The following AGBL1 variants were observed in gnomAD, a reference collection of about 807,000 sequenced individuals.
The protein encoded by AGBL1 is AGBL carboxypeptidase 1, also known as cytosolic carboxypeptidase 4.
In AGBL1, 130 loss-of-function variants were observed where a neutral mutation model predicts 118.9. The ratio of observed to expected loss-of-function variants is 1.09; its 90% CI spans 0.95 to 1.26. The LOEUF (loss-of-function observed/expected upper bound fraction) is 1.26. AGBL1 is among the 50% of genes most tolerant of loss of function. The pLI, the probability that AGBL1 is intolerant of heterozygous loss-of-function variation, is 0.00. For synonymous variants in AGBL1, 555 were observed against 478.9 expected, an observed-to-expected ratio of 1.16 and a Z score of -2.08; for missense variants, 1,584 against 1,298.1, an observed-to-expected ratio of 1.22 and a Z score of -3.38.
rs970175501 is a variant in AGBL1, at chr15:86,795,222, T to C, written c.3159-111865T>C. Among the ~76,000 whole-genome samples, 29 of 152,288 alleles carry C rather than the reference T, an allele frequency of 1.9e-4. No individual in the cohort carries two copies. The East Asian group carries it at 5.2e-3, about 27-fold the overall frequency. On this transcript the variant is annotated intron_variant, in intron 22 of 22. Coordinates refer to ENST00000614907, the MANE Select transcript of AGBL1 (RefSeq NM_001386094.1). ...TTTCCATTGACTATCTGCTCTTGCT[T>C]GGATCCCCTGCATTGTGAAAGGGAG...
At chr15:86,419,139 T>C (rs1335951673) in intron 18 of AGBL1, among the ~76,000 whole-genome samples, 1 of 151,568 alleles carries the variant, frequency 6.6e-6, no homozygotes, top group East Asian at 1.9e-4. Flanking sequence ...CTTTCAGGGG[T>C]TAAACGGCAA....
chr15:86,371,531 A>G (rs2080970319), intron 17 of AGBL1, among the ~76,000 whole-genome samples: 1 of 152,190 alleles, frequency 6.6e-6, no homozygotes, highest in African/African-American at 2.4e-5. Flanking sequence ...TAGGATATAA[A>G]TAACATACAC....
chr15:86,219,310 TG>T (rs2078240889), intron 5 of AGBL1, among the ~76,000 whole-genome samples: 1 of 152,210 alleles, frequency 6.6e-6, no homozygotes, highest in African/African-American at 2.4e-5. Flanking sequence ...TTGTGGTTTT[TG>T]CCATTACTTT....
At chr15:86,183,102 C>A (rs2077576220) in intron 5 of AGBL1, among the ~76,000 whole-genome samples, 1 of 152,116 alleles carries the variant, frequency 6.6e-6, no homozygotes, top group African/African-American at 2.4e-5. Flanking sequence ...ACCTTGAGTT[C>A]TTGTTTCTCT....
chr15:86,896,414 C>T (rs1032008200), intron 22 of AGBL1, among the ~76,000 whole-genome samples: 1 of 151,384 alleles, frequency 6.6e-6, no homozygotes, highest in South Asian at 2.1e-4. Flanking sequence ...AAAAAAATAC[C>T]TGCATGGTAA....
intron 22 of AGBL1, among the ~76,000 whole-genome samples, chr15:86,752,343 G>A (rs1428631086): frequency 1.3e-5 from 2 of 152,102 alleles, no homozygotes; most frequent in Non-Finnish European, 2.9e-5. Flanking sequence ...GGTTTGTGAT[G>A]TGCTGGGTCC....
chr15:86,138,669 C>G (rs768575762), intron 1 of AGBL1, among the ~76,000 whole-genome samples: 1 of 152,138 alleles, frequency 6.6e-6, no homozygotes, highest in Non-Finnish European at 1.5e-5. Context: ...TAGTTTTCTT[C>G]TTTCCCTTTT....
chr15:86,964,672 T>C (rs1053313473), intron 23 of AGBL1, among the ~76,000 whole-genome samples: 1 of 151,768 alleles, frequency 6.6e-6, no homozygotes, highest in African/African-American at 2.4e-5. Flanking sequence ...AGTTCTGGGA[T>C]ACATGTGCAG....
chr15:86,867,881 T>C (rs988196526), intron 22 of AGBL1, among the ~76,000 whole-genome samples: 1 of 152,214 alleles, frequency 6.6e-6, no homozygotes, highest in African/African-American at 2.4e-5. Context: ...TCCATGGCCG[T>C]CCAATATACA....
At chr15:86,883,470 A>C (rs2079924743) in intron 22 of AGBL1, among the ~76,000 whole-genome samples, 1 of 152,158 alleles carries the variant, frequency 6.6e-6, no homozygotes, top group Non-Finnish European at 1.5e-5. Flanking sequence ...TTTGCTTCTG[A>C]ACCTGGAGAA....
intron 22 of AGBL1, among the ~76,000 whole-genome samples, chr15:86,784,433 G>A (rs16977981): frequency 0.024 from 3,607 of 152,124 alleles, 155 homozygotes; most frequent in African/African-American, 0.082. Context: ...ACTGGTTTTC[G>A]GATTTTACTG....
chr15:86,396,223 ATATG>A (rs1367236259), intron 17 of AGBL1, among the ~76,000 whole-genome samples: 2 of 129,370 alleles, frequency 1.5e-5, no homozygotes, highest in African/African-American at 6.6e-5. Context: ...GTGTGTATAT[ATATG>A]TGTGTGTGTG....
chr15:86,703,540 T>A (rs1295056241), intron 22 of AGBL1, among the ~76,000 whole-genome samples: 12 of 152,118 alleles, frequency 7.9e-5, no homozygotes, highest in Non-Finnish European at 1.5e-5. Context: ...AAATTCTTAG[T>A]GACTGTTTTT....
In AGBL1 at chr15:86,932,446, G is replaced by A. The variant is rs1414833246; in HGVS notation, c.3222-55541G>A. On this transcript the variant is annotated intron_variant, in intron 23 of 24. Transcript: ENST00000441037. ...GCTGTGTGGATAAGCTGATTTGATA[G>A]TGTTTAGGACCTGTTTCAAAGGGTG... is the stretch of plus-strand genomic sequence containing the variant. Among the ~76,000 whole-genome samples the A allele has an allele frequency of 2.6e-5, 4 of 152,202 alleles. 1 individual carries two copies. The highest frequency in any genetic ancestry group is 9.6e-5 in the African/African-American group (4 of 41,454).
At chr15:86,926,624 T>A (rs2080543766) in intron 23 of AGBL1, among the ~76,000 whole-genome samples, 1 of 152,268 alleles carries the variant, frequency 6.6e-6, no homozygotes, top group East Asian at 1.9e-4. Flanking sequence ...GGATGGAGAC[T>A]TAACAAGCCA....
At chr15:86,798,731 C>T (rs961994680) in intron 22 of AGBL1, among the ~76,000 whole-genome samples, 5 of 148,420 alleles carry the variant, frequency 3.4e-5, no homozygotes, top group Admixed American at 1.4e-4. Context: ...TATCCAGGAC[C>T]GGCAACTAGA....
intron 22 of AGBL1, among the ~76,000 whole-genome samples, chr15:86,864,428 T>C (rs980299517): frequency 6.6e-6 from 1 of 152,136 alleles, no homozygotes; most frequent in Non-Finnish European, 1.5e-5. Flanking sequence ...TATCACACTA[T>C]TAGTAATCTT....
chr15:86,512,529 T>C (rs2083064706), intron 18 of AGBL1, among the ~76,000 whole-genome samples: 1 of 151,904 alleles, frequency 6.6e-6, no homozygotes, highest in Non-Finnish European at 1.5e-5. Flanking sequence ...TCATATCCTG[T>C]TATTACCTAG....
intron 22 of AGBL1, among the ~76,000 whole-genome samples, chr15:86,832,281 T>G (rs1459106088): frequency 6.6e-6 from 1 of 152,244 alleles, no homozygotes; most frequent in Non-Finnish European, 1.5e-5. Context: ...TATGCAAATT[T>G]CTGCAGCCGG....
Sources: allele counts gnomAD v4.1 joint callset (sites outside exome capture counted in the v4.1 genomes callset), GRCh38; gene constraint gnomAD v4.1.1; transcripts MANE v1.5; gene names NCBI Gene and HGNC (gene_info 2026-07-23, HGNC 2026-07-21).